WDPCP: variants seen among roughly 807,000 people sequenced by gnomAD.
The protein encoded by WDPCP is WD repeat containing planar cell polarity effector.
In WDPCP, 71 loss-of-function variants were observed where a neutral mutation model predicts 93.1. The ratio of observed to expected loss-of-function variants is 0.76; its 90% CI spans 0.63 to 0.93. WDPCP has a LOEUF of 0.93. Among genes scored for constraint, WDPCP ranks in the 40% least tolerant of loss-of-function variants. WDPCP has a pLI of 0.00. For synonymous variants in WDPCP, 315 were observed against 315.0 expected, an observed-to-expected ratio of 1.00 and a Z score of 0.00; for missense variants, 844 against 887.4, an observed-to-expected ratio of 0.95 and a Z score of 0.62.
At chr2:63,378,570 T>C in intron 11 of WDPCP, 61 bp from the exon 12 acceptor site, 3 of 1,609,316 alleles carry the variant, frequency 1.9e-6, no homozygotes, top group Non-Finnish European at 2.5e-6. Flanking sequence ...TACAACAAAA[T>C]ACTCATGTTT....
At chr2:63,685,049 C>T (rs1271277343) in intron 2 of WDPCP, among the ~76,000 whole-genome samples, 1 of 151,838 alleles carries the variant, frequency 6.6e-6, no homozygotes, top group East Asian at 1.9e-4. Flanking sequence ...AACAATGCAT[C>T]ATAAAGAACT....
intron 2 of WDPCP, among the ~76,000 whole-genome samples, chr2:63,722,767 G>A (rs34700770): frequency 5.2e-3 from 769 of 149,316 alleles, no homozygotes; most frequent in African/African-American, 9.8e-3. Context: ...CCGGCCAGCC[G>A]CCCCGTCTGG....
At chr2:63,348,839 GA>G (rs1436058466) in intron 12 of WDPCP, among the ~76,000 whole-genome samples, 1 of 152,116 alleles carries the variant, frequency 6.6e-6, no homozygotes, top group African/African-American at 2.4e-5. Context: ...TTTAACCAAG[GA>G]TATGCCTCTG....
intron 12 of WDPCP, among the ~76,000 whole-genome samples, chr2:63,370,005 A>T (rs931771732): frequency 1.3e-5 from 2 of 152,148 alleles, no homozygotes; most frequent in African/African-American, 4.8e-5. Context: ...TCACACACCC[A>T]ATTAGCTATG....
chr2:63,833,413 TA>T, the WDPCP span, among the ~76,000 whole-genome samples: 34 of 151,170 alleles, frequency 2.2e-4, no homozygotes, highest in African/African-American at 7.0e-4. Flanking sequence ...AAATTTGAAA[TA>T]AAAAAAAAGA....
chr2:63,613,664 C>T (rs1208785115), intron 3 of WDPCP, among the ~76,000 whole-genome samples: 1 of 152,190 alleles, frequency 6.6e-6, no homozygotes, highest in Non-Finnish European at 1.5e-5. Context: ...CATTATTCAC[C>T]ACTTCCACTG....
chr2:63,407,725 T>C (rs1694698983), intron 9 of WDPCP, among the ~76,000 whole-genome samples: 1 of 152,380 alleles, frequency 6.6e-6, no homozygotes, highest in East Asian at 1.9e-4. Context: ...TATTTTACAC[T>C]TTTTTGTACC....
Position 63,407,689 on chromosome 2 carries a change from T to C in WDPCP, c.826-3032A>G, listed in dbSNP as rs76819445. ...CTTGGATTCCTTCTAGCTTCTGGCA[T>C]CTTTAAAAAAATAATCTGTCTTATA... On this transcript the variant is annotated intron_variant, in intron 9 of 17. Transcript: ENST00000272321. 3.3e-5 allele frequency among the ~76,000 whole-genome samples: 5 copies of C among 152,350 alleles called. No individual in the cohort carries two copies. In the East Asian group the frequency reaches 9.6e-4, roughly 29 times the overall value.
At chr2:63,727,153 GC>G (rs1450899863) in intron 2 of WDPCP, among the ~76,000 whole-genome samples, 1 of 152,112 alleles carries the variant, frequency 6.6e-6, no homozygotes, top group African/African-American at 2.4e-5. Flanking sequence ...TTCAGCTTTT[GC>G]CCATTCAGTA....
chr2:63,454,229 A>T (rs2105684552), intron 6 of WDPCP, among the ~76,000 whole-genome samples: 1 of 152,126 alleles, frequency 6.6e-6, no homozygotes, highest in Non-Finnish European at 1.5e-5. Flanking sequence ...GCTGGAAACC[A>T]TCATTCTCAG....
chr2:63,423,748 C>G (rs375922949), intron 9 of WDPCP, among the ~76,000 whole-genome samples: 48 of 152,216 alleles, frequency 3.2e-4, no homozygotes, highest in African/African-American at 1.0e-3. Flanking sequence ...TGTTTGTTGA[C>G]AAATGAATTA....
intron 3 of WDPCP, among the ~76,000 whole-genome samples, chr2:63,627,811 T>G (rs1709825878): frequency 6.6e-6 from 1 of 152,208 alleles, no homozygotes; most frequent in Non-Finnish European, 1.5e-5. Flanking sequence ...TCGTGGGACC[T>G]GATTTTTCCT....
At chr2:63,723,813 G>C (rs1180292352) in intron 2 of WDPCP, among the ~76,000 whole-genome samples, 1 of 151,210 alleles carries the variant, frequency 6.6e-6, no homozygotes, top group Admixed American at 6.6e-5. Flanking sequence ...ATTTGGCAAA[G>C]TTAAAAAAAA....
At chr2:63,539,408 G>T (rs563133073) in intron 1 of WDPCP, among the ~76,000 whole-genome samples, 1 of 152,180 alleles carries the variant, frequency 6.6e-6, no homozygotes, top group African/African-American at 2.4e-5. Context: ...TTCCACAAAT[G>T]ATGGTTAAAA....
At chr2:63,321,927 G>A (rs1339706853) in intron 12 of WDPCP, among the ~76,000 whole-genome samples, 1 of 151,718 alleles carries the variant, frequency 6.6e-6, no homozygotes, top group Non-Finnish European at 1.5e-5. Flanking sequence ...AGGTATTATT[G>A]ACACAAAAAA....
At chr2:63,551,839 TATA>T (rs967270458) in intron 1 of WDPCP, among the ~76,000 whole-genome samples, 1 of 151,998 alleles carries the variant, frequency 6.6e-6, no homozygotes, top group African/African-American at 2.4e-5. Flanking sequence ...GTGATTTTTT[TATA>T]ATGTGCCAGA....
chr2:63,588,179 C>T lies in WDPCP; in HGVS notation c.75+18G>A, dbSNP rs753760586. ...CTAAGGTTAAAAGAAAACCCCTTGC[C>T]CTCGGGCCAGGGCTCACCTGTCTCG... On this transcript the variant is annotated intron_variant, in intron 1 of 17. Transcript: ENST00000272321. 6.4e-7 allele frequency: 1 copy of T among 1,557,648 alleles called. No homozygotes were observed. The highest frequency in any genetic ancestry group is 8.7e-7 in the Non-Finnish European group (1 of 1,149,332).
chr2:63,321,993 C>A (rs1428194751), intron 12 of WDPCP, among the ~76,000 whole-genome samples: 2 of 152,148 alleles, frequency 1.3e-5, no homozygotes, highest in Non-Finnish European at 2.9e-5. Flanking sequence ...GTAGACACCA[C>A]TGAAGCTATT....
At chr2:63,510,903 G>T (rs1702192162) in intron 1 of WDPCP, among the ~76,000 whole-genome samples, 1 of 152,190 alleles carries the variant, frequency 6.6e-6, no homozygotes, top group Non-Finnish European at 1.5e-5. Context: ...ATGAACCTGA[G>T]AGGTGGAGGT....
Sources: gnomAD v4.1 joint callset for allele counts (sites outside exome capture counted in the v4.1 genomes callset) on GRCh38, gnomAD v4.1.1 for gene constraint, MANE v1.5 for transcripts, NCBI Gene and HGNC (gene_info 2026-07-23, HGNC 2026-07-21) for gene names.